AHCYL2: variants seen among roughly 807,000 people sequenced by gnomAD.
AHCYL2 encodes the protein S-adenosylhomocysteine hydrolase-like protein 2.
A neutral mutation model predicts 81.4 loss-of-function variants in AHCYL2; 28 were observed. The observed-to-expected ratio is 0.34, with a 90% CI of 0.25 to 0.47. The LOEUF (loss-of-function observed/expected upper bound fraction) is 0.47, where lower values mean the gene tolerates loss of function less well. AHCYL2 is among the 20% of genes least tolerant of loss of function. The probability of loss-of-function intolerance (pLI) is 1.00; values close to 1 mark genes in which losing one functional copy is unlikely to be tolerated. For missense variants in AHCYL2, 551 were observed against 785.1 expected, an observed-to-expected ratio of 0.70 and a Z score of 3.56; for synonymous variants, 272 against 290.2, an observed-to-expected ratio of 0.94 and a Z score of 0.64.
intron 1 of AHCYL2, among the ~76,000 whole-genome samples, chr7:129,284,967 A>G (rs1021719479): frequency 6.6e-6 from 1 of 152,206 alleles, no homozygotes; most frequent in African/African-American, 2.4e-5. Context: ...CTGCTACAAT[A>G]TTTTTGTAAT....
chr7:129,328,471 C>T (rs1005377320), intron 1 of AHCYL2, among the ~76,000 whole-genome samples: 3 of 151,582 alleles, frequency 2.0e-5, no homozygotes, highest in African/African-American at 7.3e-5. Flanking sequence ...CCACTGCGCC[C>T]TTTTTTTGTT....
intron 1 of AHCYL2, among the ~76,000 whole-genome samples, chr7:129,283,820 A>T (rs1396712867): frequency 6.6e-6 from 1 of 152,150 alleles, no homozygotes; most frequent in Non-Finnish European, 1.5e-5. Flanking sequence ...GGTCATTTTT[A>T]AAATTTAAAA....
At chr7:129,317,340 G>C (rs759181329) in intron 1 of AHCYL2, among the ~76,000 whole-genome samples, 9 of 152,174 alleles carry the variant, frequency 5.9e-5, no homozygotes, top group Non-Finnish European at 1.3e-4. Context: ...TATGCTCCCT[G>C]TGTCAGTGTG....
intron 11 of AHCYL2, chr7:129,410,418 A>G: frequency 6.4e-7 from 1 of 1,570,462 alleles, no homozygotes; most frequent in Non-Finnish European, 8.8e-7. Flanking sequence ...TTAGCAATTC[A>G]CAGGATTATC....
At chr7:129,290,942 C>A (rs901744331) in intron 1 of AHCYL2, among the ~76,000 whole-genome samples, 11 of 149,468 alleles carry the variant, frequency 7.4e-5, no homozygotes, top group Admixed American at 2.0e-4. Context: ...AAAAAAAAAA[C>A]AAAACAAAAC....
At chr7:129,381,929 C>T (rs1347000336) in intron 2 of AHCYL2, among the ~76,000 whole-genome samples, 2 of 152,198 alleles carry the variant, frequency 1.3e-5, no homozygotes, top group African/African-American at 4.8e-5. Flanking sequence ...GCATCACATG[C>T]ACTGTTACCT....
intron 2 of AHCYL2, among the ~76,000 whole-genome samples, chr7:129,381,016 C>A (rs1341933799): frequency 2.6e-5 from 4 of 152,154 alleles, no homozygotes; most frequent in African/African-American, 9.7e-5. Flanking sequence ...GGATTACAGG[C>A]GTGAGCCACT....
intron 1 of AHCYL2, among the ~76,000 whole-genome samples, chr7:129,227,933 C>T (rs1213161662): frequency 6.6e-6 from 1 of 152,174 alleles, no homozygotes; most frequent in Non-Finnish European, 1.5e-5. Flanking sequence ...TTCAGGTGCC[C>T]AATCTTTAAC....
chr7:129,258,207 G>A (rs545651399), intron 1 of AHCYL2, among the ~76,000 whole-genome samples: 11 of 146,432 alleles, frequency 7.5e-5, no homozygotes, highest in Admixed American at 3.4e-4. Flanking sequence ...TTAACTGAAA[G>A]TAAATCAGAT....
intron 1 of AHCYL2, among the ~76,000 whole-genome samples, chr7:129,259,359 T>C (rs1241828459): frequency 6.6e-6 from 1 of 152,172 alleles, no homozygotes; most frequent in African/African-American, 2.4e-5. Context: ...TTTTAAATTA[T>C]TTTAAAATTT....
At chr7:129,381,230 C>T (rs1454782255) in intron 2 of AHCYL2, among the ~76,000 whole-genome samples, 1 of 152,166 alleles carries the variant, frequency 6.6e-6, no homozygotes, top group East Asian at 1.9e-4. Flanking sequence ...AACTCCAGCT[C>T]AGTCTCTCCC....
chr7:129,364,559 G>A (rs1794040615), intron 1 of AHCYL2, among the ~76,000 whole-genome samples: 1 of 152,140 alleles, frequency 6.6e-6, no homozygotes, highest in Admixed American at 6.5e-5. Flanking sequence ...CCAAAGTGCT[G>A]GGATTACAGG....
intron 1 of AHCYL2, among the ~76,000 whole-genome samples, chr7:129,238,564 G>A (rs1794720175): frequency 6.6e-6 from 1 of 152,182 alleles, no homozygotes; most frequent in Non-Finnish European, 1.5e-5. Context: ...TAAATACAGT[G>A]TAGTTTGATA....
chr7:129,409,871 A>G (rs961220820), intron 11 of AHCYL2, among the ~76,000 whole-genome samples: 5 of 151,282 alleles, frequency 3.3e-5, no homozygotes, highest in African/African-American at 4.9e-5. Context: ...TTCCAAAAAT[A>G]TATTTATTTT....
intron 2 of AHCYL2, among the ~76,000 whole-genome samples, chr7:129,386,081 T>A (rs1179513974): frequency 6.6e-6 from 1 of 152,230 alleles, no homozygotes; most frequent in Non-Finnish European, 1.5e-5. Flanking sequence ...TCTCTTGGTC[T>A]GGATCTGTCA....
chr7:129,426,897 AAAAGGAAAC>A lies in AHCYL2; in HGVS notation c.1830-140_1830-132del, dbSNP rs1294881098. The A allele has an allele frequency of 1.2e-6, 1 of 819,240 alleles. No homozygotes were observed. The highest frequency in any genetic ancestry group is 2.0e-6 in the Non-Finnish European group (1 of 509,344). The allele number at this position is 819,240 out of a possible 1,614,324, so 50.7% of individuals were successfully genotyped here. On this transcript the variant is annotated intron_variant, in intron 16 of 16. Transcript: ENST00000325006. This position sits in a 1 kb window ranked among gnomAD's most constrained non-coding sequence, Gnocchi z 4.3. ...AATATTGGCCTTTTTCAATGATGTG[AAAAGGAAAC>A]ACAGTTATTTCCTGTCACTGTACAC...
chr7:129,359,540 G>A (rs1793859193), intron 1 of AHCYL2, among the ~76,000 whole-genome samples: 2 of 152,152 alleles, frequency 1.3e-5, no homozygotes, highest in Non-Finnish European at 2.9e-5. Context: ...ATAGCGAGAA[G>A]CACACATTCT....
intron 1 of AHCYL2, among the ~76,000 whole-genome samples, chr7:129,371,637 C>T (rs747725196): frequency 2.0e-5 from 3 of 152,174 alleles, no homozygotes; most frequent in African/African-American, 7.2e-5. Flanking sequence ...TTTACTTCCC[C>T]TGAGAGATCT....
At chr7:129,308,306 T>C (rs982934984) in intron 1 of AHCYL2, among the ~76,000 whole-genome samples, 1 of 152,204 alleles carries the variant, frequency 6.6e-6, no homozygotes, top group Admixed American at 6.5e-5. Flanking sequence ...GCTAGGGCTT[T>C]TCTGAATGCT....
Sources: allele counts gnomAD v4.1 joint callset (sites outside exome capture counted in the v4.1 genomes callset), GRCh38; gene constraint gnomAD v4.1.1; non-coding constraint Gnocchi (gnomAD v3.1); transcripts MANE v1.5; gene names NCBI Gene and HGNC (gene_info 2026-07-23, HGNC 2026-07-21).